Variants in COL4A6 observed in about 807,000 individuals in gnomAD.
COL4A6 encodes the protein collagen alpha-6(IV) chain.
In COL4A6, 59 loss-of-function variants were observed where a neutral mutation model predicts 126.7. The ratio of observed to expected loss-of-function variants is 0.47; its 90% CI spans 0.38 to 0.58. The LOEUF (loss-of-function observed/expected upper bound fraction) is 0.58. COL4A6 is among the 20% of genes least tolerant of loss of function. The pLI is 0.00. For synonymous variants in COL4A6, 547 were observed against 496.6 expected (o/e 1.10, Z -1.35); for missense variants, 1,285 against 1,337.3 (o/e 0.96, Z 0.61).
chrX:108,365,303 T>C (rs2040173673), intron 2 of COL4A6, among the ~76,000 whole-genome samples: 1 of 111,843 alleles, frequency 8.9e-6, no homozygotes, highest in South Asian at 3.7e-4. Context: ...CAACAACTAG[T>C]GCTGTGTCTG....
rs750507028 is a variant in COL4A6 at position 108,175,229 on chromosome X, G to A, written c.2831-14C>T. On this transcript the variant is annotated splice_polypyrimidine_tract_variant and intron_variant, in intron 29 of 44. Coordinates refer to ENST00000334504, the MANE Select transcript of COL4A6 (RefSeq NM_033641.4). ...TGCCTCTGTCTCCTGCAGGGATGGA[G>A]ATCAGCATGAGAAAGAGAGCTTAGA... 1.7e-6 allele frequency: 2 copies of A among 1,159,211 alleles called. No individual in the cohort carries two copies. Among genetic ancestry groups the A allele is most frequent in the African/African-American group, 3.7e-5 (2 of 54,762 alleles).
chrX:108,205,395 T>TGCA (rs1488570371), intron 11 of COL4A6, 44 bp downstream of exon 11: 7 of 1,030,927 alleles, frequency 6.8e-6, no homozygotes, highest in Non-Finnish European at 9.5e-6. Context: ...ACACATTTCT[T>TGCA]GCAGCATATG....
intron 2 of COL4A6, among the ~76,000 whole-genome samples, chrX:108,323,555 C>T (rs1291243085): frequency 9.0e-6 from 1 of 111,728 alleles, no homozygotes; most frequent in Non-Finnish European, 1.9e-5. Flanking sequence ...ATTGCAAGTC[C>T]ACCTGTCACC....
At chrX:108,402,989 G>C (rs760204924) in intron 2 of COL4A6, among the ~76,000 whole-genome samples, 6 of 111,309 alleles carry the variant, frequency 5.4e-5, no homozygotes, top group African/African-American at 2.0e-4. Context: ...CTATATCTTT[G>C]CTAATTTTTT....
chrX:108,299,026 C>T (rs746629190), intron 3 of COL4A6, among the ~76,000 whole-genome samples: 184 of 111,283 alleles, frequency 1.7e-3, no homozygotes, highest in Non-Finnish European at 3.0e-3. Flanking sequence ...AAGCAACCCA[C>T]GTTAGGCATC....
intron 2 of COL4A6, among the ~76,000 whole-genome samples, chrX:108,359,392 T>C (rs1005086325): frequency 8.9e-6 from 1 of 112,786 alleles, no homozygotes; most frequent in Non-Finnish European, 1.9e-5. Flanking sequence ...TAATATTGCC[T>C]TCTTATCTAA....
At chrX:108,234,266 C>G (rs1458733081) in intron 3 of COL4A6, among the ~76,000 whole-genome samples, 2 of 111,959 alleles carry the variant, frequency 1.8e-5, no homozygotes, top group African/African-American at 3.2e-5. Context: ...CTGAGTCTAG[C>G]AGCTTTTCCA....
chrX:108,333,777 A>C (rs868220573), intron 2 of COL4A6, among the ~76,000 whole-genome samples: 55 of 111,597 alleles, frequency 4.9e-4, no homozygotes, highest in African/African-American at 1.7e-3. Context: ...CTGAGAACCA[A>C]GTCAAGAACC....
chrX:108,201,447 A>T (rs1378830999), intron 13 of COL4A6, among the ~76,000 whole-genome samples: 2 of 111,995 alleles, frequency 1.8e-5, no homozygotes, highest in Non-Finnish European at 3.8e-5. Context: ...GACAATCAAA[A>T]ATTTGAATTC....
intron 12 of COL4A6, among the ~76,000 whole-genome samples, 185 bp downstream of exon 12, chrX:108,204,135 C>T (rs757241112): frequency 8.9e-6 from 1 of 111,915 alleles, no homozygotes; most frequent in African/African-American, 3.2e-5. Context: ...ACATACTCAG[C>T]CTTTTAAGAA....
chrX:108,360,655 G>A (rs1324526249), intron 2 of COL4A6, among the ~76,000 whole-genome samples: 1 of 107,903 alleles, frequency 9.3e-6, no homozygotes, highest in Non-Finnish European at 1.9e-5. Flanking sequence ...TCCTGCCTCA[G>A]CCTCCCGAGT....
intron 2 of COL4A6, among the ~76,000 whole-genome samples, chrX:108,386,300 C>A (rs1457678692): frequency 1.8e-5 from 2 of 112,097 alleles, no homozygotes; most frequent in Admixed American, 9.4e-5. Context: ...GCCACACTGT[C>A]TTCCACAATG....
chrX:108,261,577 G>A (rs2037162807), intron 3 of COL4A6, among the ~76,000 whole-genome samples: 1 of 111,161 alleles, frequency 9.0e-6, no homozygotes, highest in South Asian at 3.7e-4. Context: ...TATACATAGA[G>A]CATTTTCCTA....
At chrX:108,272,227 T>G (rs927799414) in intron 3 of COL4A6, among the ~76,000 whole-genome samples, 3 of 111,789 alleles carry the variant, frequency 2.7e-5, no homozygotes, top group Non-Finnish European at 5.6e-5. Context: ...TTCTCTAACT[T>G]TTCTTTATAT....
At chrX:108,348,642 A>G (rs900744327) in intron 2 of COL4A6, among the ~76,000 whole-genome samples, 11 of 111,818 alleles carry the variant, frequency 9.8e-5, no homozygotes, top group African/African-American at 3.6e-4. Context: ...AAAGATATCA[A>G]TTGAGACAAG....
chrX:108,366,555 C>A (rs2040201429), intron 2 of COL4A6, among the ~76,000 whole-genome samples: 1 of 112,010 alleles, frequency 8.9e-6, no homozygotes, highest in Non-Finnish European at 1.9e-5. Context: ...GGGGTTTCTC[C>A]CTGCCCCCTA....
At chrX:108,204,981 T>G (rs1375759796) in intron 11 of COL4A6, among the ~76,000 whole-genome samples, 2 of 100,670 alleles carry the variant, frequency 2.0e-5, no homozygotes, top group Non-Finnish European at 4.0e-5. Context: ...AGAAGAGAGA[T>G]AGAGGAGAGA....
chrX:108,320,989 T>A (rs925279672), intron 2 of COL4A6, among the ~76,000 whole-genome samples: 10 of 112,021 alleles, frequency 8.9e-5, no homozygotes, highest in Non-Finnish European at 1.3e-4. Context: ...GGGTTCACTA[T>A]AAGACAAATC....
At chrX:108,160,310 A>G (rs2033881582) in intron 43 of COL4A6, among the ~76,000 whole-genome samples, 153 bp downstream of exon 43, 1 of 112,633 alleles carries the variant, frequency 8.9e-6, no homozygotes, top group Non-Finnish European at 1.9e-5. Context: ...TGATAGAGCC[A>G]GGATTTGAAT....
Sources: allele counts gnomAD v4.1 joint callset (sites outside exome capture counted in the v4.1 genomes callset), GRCh38; gene constraint gnomAD v4.1.1; transcripts MANE v1.5; gene names NCBI Gene and HGNC (gene_info 2026-07-23, HGNC 2026-07-21).